GRM1: variants seen among roughly 807,000 people sequenced by gnomAD.
GRM1 encodes the protein glutamate metabotropic receptor 1.
Under a neutral mutation model 90.9 loss-of-function variants are expected in GRM1, and 33 were observed. The ratio of observed to expected loss-of-function variants is 0.36; its 90% CI spans 0.28 to 0.49. The LOEUF is 0.49. GRM1 is among the 20% of genes least tolerant of loss of function. GRM1 has a pLI of 0.99. For missense variants in GRM1, 1,190 were observed against 1,534.3 expected (o/e 0.78, Z 3.75); for synonymous variants, 700 against 613.2 (o/e 1.14, Z -2.09).
At chr6:146,416,863 A>G (rs888367967) in intron 7 of GRM1, among the ~76,000 whole-genome samples, 21 of 152,046 alleles carry the variant, frequency 1.4e-4, no homozygotes, top group Non-Finnish European at 2.8e-4. Context: ...CTTTACTCTG[A>G]TTTTCAGCAG....
chr6:146,053,472 G>C (rs1362960566), intron 1 of GRM1, among the ~76,000 whole-genome samples: 1 of 152,032 alleles, frequency 6.6e-6, no homozygotes, highest in African/African-American at 2.4e-5. Context: ...TCGACTTAGA[G>C]GCTGAAGGGA....
chr6:146,217,349 A>C (rs778145740), intron 2 of GRM1, among the ~76,000 whole-genome samples: 3 of 152,188 alleles, frequency 2.0e-5, no homozygotes, highest in Non-Finnish European at 4.4e-5. Context: ...CAATACCTTG[A>C]GTTGGTGCAT....
At chr6:146,301,549 A>C (rs1783380857) in intron 2 of GRM1, among the ~76,000 whole-genome samples, 1 of 152,216 alleles carries the variant, frequency 6.6e-6, no homozygotes, top group South Asian at 2.1e-4. Flanking sequence ...ACAGACTGTA[A>C]ACAAAACAAA....
intron 1 of GRM1, among the ~76,000 whole-genome samples, chr6:146,066,778 G>A (rs1775864366): frequency 6.6e-6 from 1 of 152,128 alleles, no homozygotes; most frequent in Non-Finnish European, 1.5e-5. Context: ...GAGAGAGAGA[G>A]AGAGAGAGAG....
At chr6:146,150,465 C>G (rs1350178298) in intron 1 of GRM1, among the ~76,000 whole-genome samples, 1 of 152,092 alleles carries the variant, frequency 6.6e-6, no homozygotes, top group Non-Finnish European at 1.5e-5. Context: ...TTATGGGGTA[C>G]ATGTGATATT....
intron 2 of GRM1, among the ~76,000 whole-genome samples, chr6:146,298,837 T>C (rs1258368918): frequency 1.3e-5 from 2 of 152,236 alleles, no homozygotes; most frequent in South Asian, 2.1e-4. Flanking sequence ...GTAGAAAATG[T>C]CATCTTCACT....
chr6:146,421,562 C>T (rs1777993742), intron 7 of GRM1, among the ~76,000 whole-genome samples: 1 of 151,970 alleles, frequency 6.6e-6, no homozygotes. Flanking sequence ...GAATAATATA[C>T]AGAGGGCTTC....
intron 2 of GRM1, among the ~76,000 whole-genome samples, chr6:146,284,768 G>A (rs537412625): frequency 3.2e-4 from 49 of 152,074 alleles, no homozygotes; most frequent in Non-Finnish European, 3.8e-4. Flanking sequence ...AGTTTTCTGA[G>A]GCCTCTCCAG....
intron 3 of GRM1, among the ~76,000 whole-genome samples, chr6:146,318,254 G>T (rs1784046113): frequency 6.6e-6 from 1 of 152,034 alleles, no homozygotes; most frequent in African/African-American, 2.4e-5. Flanking sequence ...TGCAGTGTTT[G>T]CTTTTCTATT....
intron 2 of GRM1, among the ~76,000 whole-genome samples, chr6:146,244,946 A>G (rs1781004442): frequency 6.6e-6 from 1 of 152,200 alleles, no homozygotes; most frequent in Admixed American, 6.5e-5. Context: ...GCTATTGCAA[A>G]TTTGATGACT....
intron 2 of GRM1, among the ~76,000 whole-genome samples, chr6:146,290,582 G>T (rs1359916143): frequency 6.6e-6 from 1 of 152,078 alleles, no homozygotes; most frequent in Non-Finnish European, 1.5e-5. Flanking sequence ...ATATTGTCTG[G>T]CCATTTGGGT....
intron 2 of GRM1, among the ~76,000 whole-genome samples, chr6:146,169,657 T>A (rs556014616): frequency 6.6e-6 from 1 of 152,296 alleles, no homozygotes; most frequent in African/African-American, 2.4e-5. Context: ...TTCGCTGAAT[T>A]TCCCCCGCCC....
intron 3 of GRM1, among the ~76,000 whole-genome samples, chr6:146,321,791 C>A (rs959489800): frequency 7.2e-5 from 11 of 151,970 alleles, no homozygotes; most frequent in African/African-American, 2.7e-4. Context: ...GCAACTCCTG[C>A]TCTTTTATTG....
chr6:146,352,114 C>T, intron 3 of GRM1, 136 bp from the exon 4 acceptor site: 1 of 804,294 alleles, frequency 1.2e-6, no homozygotes, highest in South Asian at 1.4e-5. Flanking sequence ...AAAGCTTGCA[C>T]AGGTGGGCGT....
intron 3 of GRM1, among the ~76,000 whole-genome samples, chr6:146,323,945 G>C (rs943394693): frequency 6.6e-6 from 1 of 152,098 alleles, no homozygotes. Context: ...TGTTCCATTG[G>C]TCTATATCTC....
intron 7 of GRM1, among the ~76,000 whole-genome samples, chr6:146,406,315 A>G (rs936234436): frequency 1.3e-5 from 2 of 152,198 alleles, no homozygotes; most frequent in Non-Finnish European, 2.9e-5. Flanking sequence ...TGGTATTAAC[A>G]TAGTATGAAA....
In GRM1 at chr6:146,399,815, C is replaced by A; in HGVS notation, c.2660+116C>A. The A allele has an allele frequency of 1.4e-6, 1 of 731,944 alleles. No homozygotes were observed. The highest frequency in any genetic ancestry group is 2.4e-6 in the Non-Finnish European group (1 of 419,850). 45.3% of individuals were successfully genotyped at this position (731,944 alleles called of 1,614,324 possible). On this transcript the variant is annotated intron_variant, in intron 7 of 7. Transcript: ENST00000282753. This position sits in a 1 kb window ranked among gnomAD's most constrained non-coding sequence, Gnocchi z 5.4. The stretch of plus-strand genomic sequence containing the variant: ...ATCTTCCTCTAGTTTTCTGAGTTGT[C>A]TCTTCCATTTCCCCCATGTCTTTCT...
At chr6:146,115,066 T>C (rs1366566223) in intron 1 of GRM1, among the ~76,000 whole-genome samples, 2 of 152,132 alleles carry the variant, frequency 1.3e-5, no homozygotes, top group Admixed American at 1.3e-4. Context: ...ACAATTGCTA[T>C]TTGAGAGAGA....
At chr6:146,032,176 C>T (rs774222865) in intron 1 of GRM1, among the ~76,000 whole-genome samples, 8 of 152,058 alleles carry the variant, frequency 5.3e-5, no homozygotes, top group Admixed American at 2.0e-4. Context: ...TACTATGTTT[C>T]CTTTCTGCCT....
Sources: gnomAD v4.1 joint callset for allele counts (sites outside exome capture counted in the v4.1 genomes callset) on GRCh38, gnomAD v4.1.1 for gene constraint, Gnocchi (gnomAD v3.1) non-coding constraint, MANE v1.5 for transcripts, NCBI Gene and HGNC (gene_info 2026-07-23, HGNC 2026-07-21) for gene names.